ENC1: variants seen among roughly 807,000 people sequenced by gnomAD.
ENC1 encodes ectodermal-neural cortex 1.
In ENC1, 19 loss-of-function variants were observed where a neutral mutation model predicts 40.9. The observed-to-expected ratio is 0.46, with a 90% CI of 0.32 to 0.68. The LOEUF (loss-of-function observed/expected upper bound fraction) is 0.68, where lower values mean the gene tolerates loss of function less well. ENC1 is among the 30% of genes least tolerant of loss of function. The pLI, the probability that ENC1 is intolerant of heterozygous loss-of-function variation, is 0.03. For synonymous variants in ENC1, 285 were observed against 291.1 expected (o/e 0.98, Z 0.21); for missense variants, 479 against 737.5 (o/e 0.65, Z 4.06).
At position 74,635,620 on chromosome 5, in the gene ENC1, C is replaced by T. The variant is rs867274465; in HGVS notation, c.866G>A (p.Arg289Gln). The change falls in exon 2 of 3, where the codon CGA becomes CAA. Residue 289 changes from arginine to glutamine, a missense_variant. Coordinates refer to ENST00000302351, the MANE Select transcript of ENC1 (RefSeq NM_003633.4). This position sits in a 1 kb window ranked among gnomAD's most constrained non-coding sequence, Gnocchi z 5.5. Reference protein sequence around the residue: ...NDGVVTSLCARPRKTGHALFL... With the variant: ...NDGVVTSLCAQPRKTGHALFL... The stretch of plus-strand genomic sequence containing the variant: ...GAGGGCATGGCCAGTTTTCCGAGGT[C>T]GGGCACAGAGGCTGGTTACCACACC... 1.8e-5 allele frequency: 29 copies of T among 1,614,032 alleles called. No individual in the cohort carries two copies. The highest frequency in any genetic ancestry group is 4.0e-5 in the African/African-American group (3 of 74,910).
intron 2 of ENC1, among the ~76,000 whole-genome samples, chr5:74,633,178 G>C (rs1171668961): frequency 6.6e-6 from 1 of 152,196 alleles, no homozygotes; most frequent in Non-Finnish European, 1.5e-5. Flanking sequence ...TGTGCGCTGG[G>C]CTATACTTAC....
intron 2 of ENC1, among the ~76,000 whole-genome samples, chr5:74,633,788 C>T (rs577506360): frequency 2.0e-5 from 3 of 152,186 alleles, no homozygotes; most frequent in Non-Finnish European, 2.9e-5. Flanking sequence ...CATTGACTTC[C>T]TAACCAGCTC....
rs748243102 is a variant in ENC1, at chr5:74,634,821, C to T, written c.1665G>A (p.Leu555=). The T allele has an allele frequency of 5.6e-6, 9 of 1,614,042 alleles. No individual in the cohort carries two copies. Among genetic ancestry groups the T allele is most frequent in the Non-Finnish European group, 6.8e-6 (8 of 1,179,932 alleles). ...CGTCTAATGTTGGATCGTAGCAGTCCAAAGTCTTGCATCGCTGAATGCCAA... is the reference window on the plus strand; with the variant it reads ...CGTCTAATGTTGGATCGTAGCAGTCTAAAGTCTTGCATCGCTGAATGCCAA... The part of the protein sequence containing the change: ...GYFGIQRCKT[L]DCYDPTLDVW... Residue 555 remains leucine, a synonymous_variant, in exon 2 of 3, where the codon TTG becomes TTA. Coordinates refer to ENST00000302351, the MANE Select transcript of ENC1 (RefSeq NM_003633.4).
rs1405422611 is a variant in ENC1, at chr5:74,636,720, A to G, written c.-13-222T>C. Among the ~76,000 whole-genome samples the G allele has an allele frequency of 8.4e-6, 1 of 118,590 alleles. No individual in the cohort carries two copies. The highest frequency in any genetic ancestry group is 1.9e-5 in the Non-Finnish European group (1 of 53,138). The allele number at this position is 118,590 out of a possible 152,430, so 77.8% of individuals were successfully genotyped here. On this transcript the variant is annotated intron_variant, in intron 1 of 2. Coordinates refer to ENST00000302351, the MANE Select transcript of ENC1 (RefSeq NM_003633.4). The surrounding 1 kb of genome is among the most constrained non-coding windows in gnomAD (Gnocchi z 4.8). ...TACTGTTGAGCTATTTGAACTCTGC[A>G]CTGTTTAAAAAAAAAAAAAAAATCA...
At chr5:74,637,261 G>A (rs908507482) in intron 1 of ENC1, among the ~76,000 whole-genome samples, 14 of 152,256 alleles carry the variant, frequency 9.2e-5, no homozygotes, top group Non-Finnish European at 1.8e-4. Context: ...CACTAAAGGT[G>A]TGCACCACCA....
rs1580344770 is a variant in ENC1 at position 74,629,787 on chromosome 5, G to C, written c.*238C>G. The C allele has an allele frequency of 6.6e-6, 1 of 152,236 alleles. No homozygotes were observed. Among genetic ancestry groups the C allele is most frequent in the Non-Finnish European group, 1.5e-5 (1 of 68,002 alleles). The allele number at this position is 152,236 out of a possible 1,614,324, so 9.4% of individuals were successfully genotyped here. A position where few individuals can be genotyped will look rare whatever the true frequency, so the allele number is the denominator to read the frequency against. On this transcript the variant is annotated 3_prime_UTR_variant, in exon 3 of 3. Coordinates refer to ENST00000302351, the MANE Select transcript of ENC1 (RefSeq NM_003633.4). ...AAGACAAGGACTAGATCACAGGTTT[G>C]TTCATTCATATTTAAACCATGTGCT...
intron 2 of ENC1, among the ~76,000 whole-genome samples, chr5:74,632,805 A>G (rs768043108): frequency 1.3e-5 from 2 of 152,178 alleles, no homozygotes; most frequent in Non-Finnish European, 2.9e-5. Context: ...GAGCTGAGAT[A>G]GCACCATTGC....
chr5:74,633,539 C>T (rs1031551216), intron 2 of ENC1, among the ~76,000 whole-genome samples: 1 of 152,140 alleles, frequency 6.6e-6, no homozygotes, highest in Non-Finnish European at 1.5e-5. Flanking sequence ...AAGGGGGCTA[C>T]TTTTTAAGTA....
At chr5:74,639,871 T>C (rs1747774605) in intron 1 of ENC1, among the ~76,000 whole-genome samples, 1 of 152,234 alleles carries the variant, frequency 6.6e-6, no homozygotes, top group Non-Finnish European at 1.5e-5. Flanking sequence ...ACTCAGGGTG[T>C]CTGTGCATGG....
intron 2 of ENC1, among the ~76,000 whole-genome samples, chr5:74,633,474 G>C (rs1747460880): frequency 6.6e-6 from 1 of 152,166 alleles, no homozygotes; most frequent in African/African-American, 2.4e-5. Context: ...CTATGTACAT[G>C]CAACCTTTTA....
At chr5:74,637,571 C>T (rs942323236) in intron 1 of ENC1, 23 of 152,200 alleles carry the variant, frequency 1.5e-4, no homozygotes, top group Admixed American at 1.4e-3. Flanking sequence ...ATACTTATGA[C>T]TGCTGTTTTC....
Position 74,634,864 on chromosome 5 carries a change from T to A in ENC1, c.1622A>T (p.Tyr541Phe). Reference sequence around the variant, plus strand: ...AATGCCAAAGTATCCTCCAACCACGTAGAGTTTGTTTCCAGAGGCCACAGC... The same window carrying A: ...AATGCCAAAGTATCCTCCAACCACGAAGAGTTTGTTTCCAGAGGCCACAGC... ...CHAVASGNKL[Y>F]VVGGYFGIQR... is the part of the protein sequence containing the mutation. Residue 541 changes from tyrosine to phenylalanine, a missense_variant, in exon 2 of 3, where the codon TAC (tyrosine) becomes TTC (phenylalanine). Tyr to Phe is a conservative substitution (Grantham distance 22). Coordinates refer to ENST00000302351, the MANE Select transcript of ENC1 (RefSeq NM_003633.4). 1.2e-6 allele frequency: 2 copies of A among 1,614,200 alleles called. No homozygotes were observed. The highest frequency in any genetic ancestry group is 1.7e-6 in the Non-Finnish European group (2 of 1,180,014).
rs762159846 is a variant in ENC1 at position 74,636,148 on chromosome 5, T to C, written c.338A>G (p.Asn113Ser). 4 of 1,614,148 alleles carry C rather than the reference T, an allele frequency of 2.5e-6. No homozygotes were observed. The highest frequency in any genetic ancestry group is 2.5e-6 in the Non-Finnish European group (3 of 1,180,032). Residue 113 changes from asparagine (N) to serine (S), a missense_variant, in exon 2 of 3, where the codon AAT (asparagine) becomes AGT (serine). Physicochemically the swap from Asn to Ser is conservative, Grantham distance 46. Transcript: ENST00000302351. The surrounding 1 kb of genome is among the most constrained non-coding windows in gnomAD (Gnocchi z 4.8). ...DYAYSSRVII[N>S]EENAESLLEA... Reference sequence around the variant, plus strand: ...CAGGAGCGATTCTGCATTTTCTTCATTGATGATGACCCGGGAGGAGTACGC... The same window carrying C: ...CAGGAGCGATTCTGCATTTTCTTCACTGATGATGACCCGGGAGGAGTACGC...
chr5:74,639,587 A>G (rs1221147467), intron 1 of ENC1, among the ~76,000 whole-genome samples: 2 of 152,316 alleles, frequency 1.3e-5, no homozygotes, highest in South Asian at 2.1e-4. Flanking sequence ...CATTTACATT[A>G]CCGGTAACAA....
chr5:74,638,962 C>T (rs1180921723), intron 1 of ENC1, among the ~76,000 whole-genome samples: 2 of 152,188 alleles, frequency 1.3e-5, no homozygotes, highest in African/African-American at 4.8e-5. Context: ...ACCAGACTTA[C>T]ACCTAAGAAA....
chr5:74,636,408 G>C lies in ENC1; in HGVS notation c.78C>G (p.Ser26=). The C allele has an allele frequency of 1.9e-6, 3 of 1,614,102 alleles. No individual in the cohort carries two copies. Among genetic ancestry groups the C allele is most frequent in the Non-Finnish European group, 2.5e-6 (3 of 1,180,006 alleles). The change falls in exon 2 of 3, where the codon TCC becomes TCG. Residue 26 remains serine (S), a synonymous_variant. Transcript: ENST00000302351. The surrounding 1 kb of genome is among the most constrained non-coding windows in gnomAD (Gnocchi z 4.8). The part of the protein sequence containing the change: ...GSINIYLFHK[S]SYADSVLTHL... ...GAGTGAGGACGCTGTCAGCGTAGGAGGACTTGTGAAACAGATAGATGTTAA... is the reference window on the plus strand; with the variant it reads ...GAGTGAGGACGCTGTCAGCGTAGGACGACTTGTGAAACAGATAGATGTTAA...
At chr5:74,631,121 C>T (rs1290900814) in intron 2 of ENC1, among the ~76,000 whole-genome samples, 1 of 151,556 alleles carries the variant, frequency 6.6e-6, no homozygotes, top group East Asian at 1.9e-4. Context: ...GGAATACACA[C>T]ACCCTCCCCC....
rs894030223 is a variant in ENC1, at chr5:74,627,667, G to T, written c.*2358C>A. 2 of 152,590 alleles carry T rather than the reference G, an allele frequency of 1.3e-5. No homozygotes were observed. Among genetic ancestry groups the T allele is most frequent in the African/African-American group, 2.4e-5 (1 of 41,448 alleles). 9.5% of individuals were successfully genotyped at this position (152,590 alleles called of 1,614,324 possible). A position where few individuals can be genotyped will look rare whatever the true frequency, so the allele number is the denominator to read the frequency against. On this transcript the variant is annotated 3_prime_UTR_variant, in exon 3 of 3. Coordinates refer to ENST00000302351, the MANE Select transcript of ENC1 (RefSeq NM_003633.4). The stretch of plus-strand genomic sequence containing the variant: ...GAAAAGGGGCTACACAATTATACCA[G>T]AAGTGGAGGGCTGCCCTTTGTTATG...
At position 74,635,891 on chromosome 5, in the gene ENC1, T is replaced by C; in HGVS notation, c.595A>G (p.Ser199Gly). The C allele has an allele frequency of 4.3e-6, 7 of 1,613,994 alleles. No individual in the cohort carries two copies. Among genetic ancestry groups the C allele is most frequent in the Non-Finnish European group, 5.9e-6 (7 of 1,179,980 alleles). Reference protein sequence around the residue: ...PQDMVVQLLSSEELETEDERL... With the variant: ...PQDMVVQLLSGEELETEDERL... Reference sequence around the variant, plus strand: ...TCATCCTCTGTCTCCAGCTCTTCACTGGACAAGAGTTGCACTACCATGTCC... The same window carrying C: ...TCATCCTCTGTCTCCAGCTCTTCACCGGACAAGAGTTGCACTACCATGTCC... The change falls in exon 2 of 3, where the codon AGT becomes GGT. Residue 199 changes from serine to glycine, a missense_variant. Ser to Gly is a moderately conservative substitution (Grantham distance 56). Coordinates refer to ENST00000302351, the MANE Select transcript of ENC1 (RefSeq NM_003633.4). This position sits in a 1 kb window ranked among gnomAD's most constrained non-coding sequence, Gnocchi z 5.5.
Sources: gnomAD v4.1 joint callset for allele counts (sites outside exome capture counted in the v4.1 genomes callset) on GRCh38, gnomAD v4.1.1 for gene constraint, Gnocchi (gnomAD v3.1) non-coding constraint, MANE v1.5 for transcripts, NCBI Gene and HGNC (gene_info 2026-07-23, HGNC 2026-07-21) for gene names.